PRKCA: variants seen among roughly 807,000 people sequenced by gnomAD.
The protein encoded by PRKCA is protein kinase C alpha type.
Under a neutral mutation model 87.0 loss-of-function variants are expected in PRKCA, and 27 were observed. The observed-to-expected ratio is 0.31, with a 90% CI of 0.23 to 0.43. The LOEUF (loss-of-function observed/expected upper bound fraction) is 0.43, where lower values mean the gene tolerates loss of function less well. Among genes scored for constraint, PRKCA ranks in the 20% least tolerant of loss-of-function variants. The pLI is 1.00. For synonymous variants in PRKCA, 329 were observed against 311.1 expected, an observed-to-expected ratio of 1.06 and a Z score of -0.61; for missense variants, 518 against 852.3, an observed-to-expected ratio of 0.61 and a Z score of 4.88.
At chr17:66,595,138 C>T (rs938034642) in intron 3 of PRKCA, among the ~76,000 whole-genome samples, 1 of 152,146 alleles carries the variant, frequency 6.6e-6, no homozygotes, top group African/African-American at 2.4e-5. Flanking sequence ...TGACCCTCTT[C>T]CCTGTTCCTC....
intron 8 of PRKCA, among the ~76,000 whole-genome samples, chr17:66,708,493 C>A (rs1045065691): frequency 7.9e-5 from 12 of 152,116 alleles, no homozygotes; most frequent in Admixed American, 7.2e-4. Context: ...CCTTAGAGTT[C>A]TTTCTAGGTC....
At chr17:66,582,038 G>T (rs1227683170) in intron 3 of PRKCA, among the ~76,000 whole-genome samples, 2 of 152,164 alleles carry the variant, frequency 1.3e-5, no homozygotes, top group Non-Finnish European at 2.9e-5. Context: ...GAGTCACGGA[G>T]GATCCTAGTT....
At chr17:66,775,682 A>G in intron 14 of PRKCA, 7 of 985,440 alleles carry the variant, frequency 7.1e-6, no homozygotes, top group Non-Finnish European at 8.4e-6. Context: ...CCCCAAAGAC[A>G]TCTTTGTTTC....
intron 3 of PRKCA, among the ~76,000 whole-genome samples, chr17:66,520,858 G>A (rs1181940596): frequency 1.3e-5 from 2 of 152,134 alleles, no homozygotes; most frequent in African/African-American, 2.4e-5. Flanking sequence ...ACTTGCCACT[G>A]CTATTTTAGA....
At chr17:66,671,652 A>G (rs900505021) in intron 5 of PRKCA, among the ~76,000 whole-genome samples, 3 of 152,220 alleles carry the variant, frequency 2.0e-5, no homozygotes, top group Admixed American at 2.0e-4. Flanking sequence ...ACACTGAGAA[A>G]AAGGATGGGC....
At chr17:66,496,809 A>C (rs1325624373) in intron 3 of PRKCA, among the ~76,000 whole-genome samples, 2 of 152,044 alleles carry the variant, frequency 1.3e-5, no homozygotes, top group East Asian at 1.9e-4. Context: ...ACGCACAGCT[A>C]ATTTTTGTAT....
chr17:66,520,363 C>T, intron 3 of PRKCA, among the ~76,000 whole-genome samples: 1 of 152,036 alleles, frequency 6.6e-6, no homozygotes, highest in Non-Finnish European at 1.5e-5. Flanking sequence ...TCAGGTGATC[C>T]ACCCGCCTCG....
chr17:66,578,129 T>A (rs1969296972), intron 3 of PRKCA, among the ~76,000 whole-genome samples: 1 of 147,596 alleles, frequency 6.8e-6, no homozygotes, highest in Non-Finnish European at 1.5e-5. Flanking sequence ...AACGAGAGAC[T>A]GAATTTAAAA....
intron 2 of PRKCA, among the ~76,000 whole-genome samples, chr17:66,488,283 G>A (rs1295877524): frequency 1.3e-5 from 2 of 152,192 alleles, no homozygotes; most frequent in Admixed American, 6.5e-5. Flanking sequence ...GGATTCAAGT[G>A]TATTAAATTA....
intron 3 of PRKCA, among the ~76,000 whole-genome samples, chr17:66,584,912 C>T (rs868861116): frequency 6.6e-6 from 1 of 152,104 alleles, no homozygotes; most frequent in African/African-American, 2.4e-5. Context: ...AGGTTCATTG[C>T]CTCATGCCAA....
intron 2 of PRKCA, among the ~76,000 whole-genome samples, chr17:66,309,078 A>T (rs1205703957): frequency 6.6e-6 from 1 of 152,176 alleles, no homozygotes; most frequent in East Asian, 1.9e-4. Flanking sequence ...AGTATGTAGT[A>T]TGTTGCTTTG....
At chr17:66,703,298 T>TA (rs969952944) in intron 8 of PRKCA, 1 of 152,118 alleles carries the variant, frequency 6.6e-6, no homozygotes, top group South Asian at 2.1e-4. Context: ...TTTTTTCTGT[T>TA]AAAAAATTTT....
At chr17:66,362,294 C>T (rs1598615957) in intron 2 of PRKCA, among the ~76,000 whole-genome samples, 2 of 152,158 alleles carry the variant, frequency 1.3e-5, no homozygotes, top group East Asian at 3.9e-4. Context: ...ACCTTGGCCT[C>T]TCAAAGTGCA....
intron 5 of PRKCA, among the ~76,000 whole-genome samples, chr17:66,666,832 C>G (rs189950582): frequency 6.6e-6 from 1 of 152,012 alleles, no homozygotes; most frequent in Non-Finnish European, 1.5e-5. Context: ...TTTGAATCCC[C>G]CCCCCACACA....
At chr17:66,565,009 A>C (rs1372753556) in intron 3 of PRKCA, among the ~76,000 whole-genome samples, 1 of 152,210 alleles carries the variant, frequency 6.6e-6, no homozygotes, top group Non-Finnish European at 1.5e-5. Flanking sequence ...CCACCACCAC[A>C]ACAAGAAACA....
chr17:66,499,838 A>ACAAAAGATCATGCATACACC (rs1916650132), intron 3 of PRKCA, among the ~76,000 whole-genome samples: 1 of 152,184 alleles, frequency 6.6e-6, no homozygotes, highest in African/African-American at 2.4e-5. Flanking sequence ...TGCCTGGTTC[A>ACAAAAGATCATGCATACACC]CAAAAGATCA....
At chr17:66,476,772 C>G (rs1915552290) in intron 2 of PRKCA, among the ~76,000 whole-genome samples, 1 of 152,156 alleles carries the variant, frequency 6.6e-6, no homozygotes, top group South Asian at 2.1e-4. Context: ...TTTCCTTTCC[C>G]TCAGTCTTGT....
chr17:66,688,844 G>A, intron 7 of PRKCA, 107 bp from the exon 8 acceptor site: 1 of 715,226 alleles, frequency 1.4e-6, no homozygotes, highest in Admixed American at 2.6e-5. Flanking sequence ...TACTGATCTG[G>A]CTGTAGCCTC....
chr17:66,477,428 G>A (rs1030478656), intron 2 of PRKCA, among the ~76,000 whole-genome samples: 25 of 152,130 alleles, frequency 1.6e-4, no homozygotes, highest in African/African-American at 5.6e-4. Flanking sequence ...GGCCGAGCGC[G>A]GTGGCTCATA....
Sources: allele counts gnomAD v4.1 joint callset (sites outside exome capture counted in the v4.1 genomes callset), GRCh38; gene constraint gnomAD v4.1.1; transcripts MANE v1.5; gene names NCBI Gene and HGNC (gene_info 2026-07-23, HGNC 2026-07-21).